Variants in KCNH8 observed in about 807,000 individuals in gnomAD.
KCNH8 encodes the protein voltage-gated delayed rectifier potassium channel KCNH8.
A neutral mutation model predicts 103.6 loss-of-function variants in KCNH8; 70 were observed. That is an observed-to-expected ratio of 0.68 (90% CI 0.56 to 0.82). The LOEUF (loss-of-function observed/expected upper bound fraction) is 0.82. KCNH8 is among the 40% of genes least tolerant of loss of function. The pLI, the probability that KCNH8 is intolerant of heterozygous loss-of-function variation, is 0.00. For synonymous variants in KCNH8, 498 were observed against 489.4 expected (o/e 1.02, Z -0.23); for missense variants, 1,217 against 1,329.9 (o/e 0.92, Z 1.32).
chr3:19,284,992 C>G (rs966345841), intron 3 of KCNH8, among the ~76,000 whole-genome samples: 2 of 151,702 alleles, frequency 1.3e-5, no homozygotes, highest in Non-Finnish European at 2.9e-5. Context: ...TTTTTGGACA[C>G]CAGGTCCTCG....
At chr3:19,244,432 T>TTTG (rs891640760) in intron 1 of KCNH8, among the ~76,000 whole-genome samples, 13 of 152,200 alleles carry the variant, frequency 8.5e-5, no homozygotes, top group South Asian at 2.1e-4. Context: ...GTTTTTGTTT[T>TTTG]TTGTTGTTGT....
intron 5 of KCNH8, among the ~76,000 whole-genome samples, chr3:19,368,353 T>C (rs1222008630): frequency 6.6e-6 from 1 of 152,032 alleles, no homozygotes; most frequent in Non-Finnish European, 1.5e-5. Flanking sequence ...ATCTGTGGTG[T>C]ATTTTGAAAT....
At chr3:19,506,496 T>C (rs568460633) in intron 11 of KCNH8, among the ~76,000 whole-genome samples, 182 of 152,254 alleles carry the variant, frequency 1.2e-3, no homozygotes, top group African/African-American at 4.3e-3. Context: ...GGCCAGTAGG[T>C]AGGCACTTGC....
chr3:19,513,858 T>C (rs751246545), intron 13 of KCNH8, among the ~76,000 whole-genome samples: 3 of 152,112 alleles, frequency 2.0e-5, no homozygotes, highest in Non-Finnish European at 4.4e-5. Context: ...TAAAAATCAC[T>C]TTAGAATCCA....
At chr3:19,167,337 G>A (rs1361491325) in intron 1 of KCNH8, among the ~76,000 whole-genome samples, 1 of 152,204 alleles carries the variant, frequency 6.6e-6, no homozygotes, top group Non-Finnish European at 1.5e-5. Context: ...TAACGTAGAT[G>A]TGTCATAGTT....
chr3:19,499,532 G>A (rs886865763), intron 11 of KCNH8, among the ~76,000 whole-genome samples: 1 of 152,166 alleles, frequency 6.6e-6, no homozygotes. Flanking sequence ...GTTAAGGGCA[G>A]CCAGACAGAA....
At chr3:19,469,095 G>A (rs1243192741) in intron 11 of KCNH8, among the ~76,000 whole-genome samples, 1 of 152,172 alleles carries the variant, frequency 6.6e-6, no homozygotes, top group Non-Finnish European at 1.5e-5. Flanking sequence ...TAGCCTGTGT[G>A]TAGGTGTGCA....
At chr3:19,479,214 C>A (rs1199660832) in intron 11 of KCNH8, among the ~76,000 whole-genome samples, 2 of 152,086 alleles carry the variant, frequency 1.3e-5, no homozygotes, top group African/African-American at 4.8e-5. Flanking sequence ...GTAGCTGATT[C>A]TCCGGCTCTC....
At chr3:19,346,834 C>G (rs974620407) in intron 4 of KCNH8, 1 of 366,502 alleles carries the variant, frequency 2.7e-6, no homozygotes, top group African/African-American at 2.1e-5. Context: ...TAATTGAGGT[C>G]AAAGCCAGGT....
chr3:19,466,036 G>C (rs2067728588), intron 11 of KCNH8, among the ~76,000 whole-genome samples: 1 of 152,052 alleles, frequency 6.6e-6, no homozygotes, highest in Non-Finnish European at 1.5e-5. Context: ...CTGGGCCCAA[G>C]AGATCCTCCA....
chr3:19,401,704 C>G (rs2066615519), intron 7 of KCNH8, among the ~76,000 whole-genome samples: 1 of 151,286 alleles, frequency 6.6e-6, no homozygotes, highest in African/African-American at 2.4e-5. Flanking sequence ...AACTTTGCTT[C>G]TTATAAAAAT....
At chr3:19,309,992 G>T (rs932756306) in intron 3 of KCNH8, among the ~76,000 whole-genome samples, 1 of 151,884 alleles carries the variant, frequency 6.6e-6, no homozygotes, top group Non-Finnish European at 1.5e-5. Flanking sequence ...TCTTGTACAT[G>T]CAGGAAGCTC....
At chr3:19,171,870 G>A (rs1025857933) in intron 1 of KCNH8, among the ~76,000 whole-genome samples, 1 of 152,118 alleles carries the variant, frequency 6.6e-6, no homozygotes, top group African/African-American at 2.4e-5. Context: ...TAGTTTGTTG[G>A]TTTTTTCTGC....
chr3:19,168,615 A>G (rs1220579477), intron 1 of KCNH8, among the ~76,000 whole-genome samples: 1 of 152,158 alleles, frequency 6.6e-6, no homozygotes, highest in African/African-American at 2.4e-5. Flanking sequence ...ATGCACCCCA[A>G]AAGAGCCAAC....
intron 2 of KCNH8, among the ~76,000 whole-genome samples, chr3:19,280,590 T>C (rs76843425): frequency 0.085 from 12,994 of 152,140 alleles, 1,849 homozygotes; most frequent in African/African-American, 0.29. Flanking sequence ...CAAATGATTG[T>C]AAGTCACTCA....
intron 9 of KCNH8, 193 bp downstream of exon 9, chr3:19,450,498 A>G (rs1404895259): frequency 3.4e-6 from 2 of 586,638 alleles, no homozygotes; most frequent in Admixed American, 3.0e-5. Context: ...GCCAATTTGG[A>G]TTGACCGAAG....
At chr3:19,506,097 C>A (rs916255585) in intron 11 of KCNH8, among the ~76,000 whole-genome samples, 1 of 152,180 alleles carries the variant, frequency 6.6e-6, no homozygotes, top group African/African-American at 2.4e-5. Context: ...TGGGTACTGA[C>A]TTTCTCCTGA....
chr3:19,480,683 A>C (rs937265243), intron 11 of KCNH8, among the ~76,000 whole-genome samples: 1 of 152,154 alleles, frequency 6.6e-6, no homozygotes, highest in African/African-American at 2.4e-5. Flanking sequence ...GCTTGCTTTC[A>C]TTTGCAATTC....
intron 11 of KCNH8, among the ~76,000 whole-genome samples, chr3:19,476,007 A>C (rs780912646): frequency 6.6e-6 from 1 of 152,194 alleles, no homozygotes; most frequent in Admixed American, 6.5e-5. Flanking sequence ...ACCTGTGAGA[A>C]TATCTTCCTC....
Sources: gnomAD v4.1 joint callset for allele counts (sites outside exome capture counted in the v4.1 genomes callset) on GRCh38, gnomAD v4.1.1 for gene constraint, MANE v1.5 for transcripts, NCBI Gene and HGNC (gene_info 2026-07-23, HGNC 2026-07-21) for gene names.